The following SLC2A9 variants were observed in gnomAD, a reference collection of about 807,000 sequenced individuals.
SLC2A9 encodes solute carrier family 2, facilitated glucose transporter member 9.
SLC2A9 carries 39 observed loss-of-function variants against 50.6 expected under a neutral mutation model. That is an observed-to-expected ratio of 0.77 (90% CI 0.60 to 1.01). The LOEUF (loss-of-function observed/expected upper bound fraction) is 1.01. Ranked by LOEUF, SLC2A9 falls within the 50% of genes least tolerant of loss-of-function variation. The pLI is 0.00. For missense variants in SLC2A9, 686 were observed against 677.6 expected, an observed-to-expected ratio of 1.01 and a Z score of -0.14; for synonymous variants, 324 against 276.9, an observed-to-expected ratio of 1.17 and a Z score of -1.69.
downstream of SLC2A9, among the ~76,000 whole-genome samples, chr4:9,824,456 T>A (rs562777787): frequency 1.8e-4 from 27 of 152,324 alleles, no homozygotes; most frequent in African/African-American, 6.5e-4. Context: ...TGCCTGACAG[T>A]CATAGTGTTC....
chr4:9,848,410 T>G (rs1040899392), intron 10 of SLC2A9, among the ~76,000 whole-genome samples: 3 of 151,324 alleles, frequency 2.0e-5, no homozygotes, highest in Non-Finnish European at 4.4e-5. Flanking sequence ...GCATGAGACA[T>G]GAGCATGTAT....
At chr4:9,789,734 T>C (rs1719666813) in intron 3 of SLC2A9, among the ~76,000 whole-genome samples, 1 of 152,244 alleles carries the variant, frequency 6.6e-6, no homozygotes, top group Admixed American at 6.5e-5. Context: ...GCTTTGACAC[T>C]GTTAATGAAG....
chr4:9,868,264 G>C (rs1353532153), intron 10 of SLC2A9, among the ~76,000 whole-genome samples: 2 of 152,222 alleles, frequency 1.3e-5, no homozygotes, highest in East Asian at 1.9e-4. Context: ...AGGGGCTCAG[G>C]AGTGTTCTGA....
intron 10 of SLC2A9, among the ~76,000 whole-genome samples, chr4:9,854,397 G>C (rs1730425637): frequency 6.6e-6 from 1 of 152,114 alleles, no homozygotes; most frequent in South Asian, 2.1e-4. Context: ...AACCTCCCAA[G>C]ATTGAACAAG....
chr4:9,831,371 C>T (rs757501034), intron 11 of SLC2A9, among the ~76,000 whole-genome samples: 2 of 152,092 alleles, frequency 1.3e-5, no homozygotes, highest in East Asian at 1.9e-4. Flanking sequence ...GGAGACCATG[C>T]GAGGACACAG....
intron 1 of SLC2A9, among the ~76,000 whole-genome samples, chr4:9,773,997 T>C (rs916864410): frequency 2.7e-5 from 4 of 150,700 alleles, no homozygotes; most frequent in African/African-American, 9.8e-5. Flanking sequence ...TCAGTCTTTT[T>C]TTTTTTTTTT....
chr4:10,038,998 G>A (rs551154930), intron 1 of SLC2A9, among the ~76,000 whole-genome samples: 7 of 152,228 alleles, frequency 4.6e-5, no homozygotes, highest in South Asian at 2.1e-4. Context: ...AGAAGCAGCC[G>A]TAGACAATGG....
intron 10 of SLC2A9, among the ~76,000 whole-genome samples, chr4:9,842,158 A>G (rs1315647380): frequency 6.6e-6 from 1 of 151,468 alleles, no homozygotes. Flanking sequence ...TTTCCTGCTC[A>G]TTTTCTTAGG....
At chr4:10,016,170 T>A (rs1400630897) in intron 2 of SLC2A9, among the ~76,000 whole-genome samples, 1 of 152,154 alleles carries the variant, frequency 6.6e-6, no homozygotes, top group African/African-American at 2.4e-5. Context: ...GCCACAGAGG[T>A]AGAGCTCCGA....
chr4:9,916,755 G>A (rs1234437399), intron 7 of SLC2A9, among the ~76,000 whole-genome samples: 4 of 152,154 alleles, frequency 2.6e-5, no homozygotes, highest in African/African-American at 9.7e-5. Flanking sequence ...CCATGACCCT[G>A]GGCATTCTGG....
downstream of SLC2A9, among the ~76,000 whole-genome samples, chr4:9,825,477 A>G (rs1724986000): frequency 6.6e-6 from 1 of 152,104 alleles, no homozygotes. Flanking sequence ...CATGAGGTAC[A>G]TGTGCTGACA....
chr4:10,023,822 G>A (rs1578384941), upstream of SLC2A9, among the ~76,000 whole-genome samples: 1 of 152,194 alleles, frequency 6.6e-6, no homozygotes, highest in East Asian at 1.9e-4. Flanking sequence ...AAGTTCAGGG[G>A]GAGCATGGAG....
downstream of SLC2A9, among the ~76,000 whole-genome samples, chr4:9,775,314 C>T (rs189585860): frequency 4.6e-5 from 7 of 152,246 alleles, no homozygotes; most frequent in South Asian, 2.1e-4. Flanking sequence ...GTGGCAGCTG[C>T]GAGCCTCCTC....
intron 1 of SLC2A9, among the ~76,000 whole-genome samples, chr4:9,774,783 C>A (rs933680732): frequency 2.0e-5 from 3 of 151,602 alleles, no homozygotes; most frequent in Non-Finnish European, 4.4e-5. Flanking sequence ...CTTTTTCCTT[C>A]TTTTTCTCTA....
chr4:9,983,757 C>T (rs1472229000), intron 4 of SLC2A9, among the ~76,000 whole-genome samples: 4 of 152,204 alleles, frequency 2.6e-5, no homozygotes, highest in African/African-American at 7.2e-5. Context: ...GACAGGGTTT[C>T]GCTCTGTAGC....
chr4:9,834,883 G>A lies in SLC2A9; in HGVS notation c.1417C>T (p.Gln473Ter). 1.9e-6 allele frequency: 3 copies of A among 1,614,166 alleles called. No homozygotes were observed. Among genetic ancestry groups the A allele is most frequent in the Non-Finnish European group, 2.5e-6 (3 of 1,180,034 alleles). ...AAAAGACTCCTTGTCAGTCATACCT[G>A]AATGAATGGGAAGAGGAGCCCAACA... ...FAVGLLFPFI[Q>*]KSLDTYCFLV... The change falls in exon 11 of 12, where the codon CAG becomes TAG. Residue 473 changes from glutamine (Q) to a stop codon, truncating the protein, a stop_gained and splice_region_variant. Coordinates refer to ENST00000264784, the MANE Select transcript of SLC2A9 (RefSeq NM_020041.3). LOFTEE classifies it low-confidence loss of function (END_TRUNC).
chr4:9,797,357 G>GA (rs1437002335), downstream of SLC2A9, among the ~76,000 whole-genome samples: 1 of 152,198 alleles, frequency 6.6e-6, no homozygotes, highest in African/African-American at 2.4e-5. Flanking sequence ...AAATGGCTAA[G>GA]CCTAGAACCA....
chr4:9,845,772 C>T (rs1728893876), intron 10 of SLC2A9, among the ~76,000 whole-genome samples: 1 of 152,152 alleles, frequency 6.6e-6, no homozygotes, highest in Non-Finnish European at 1.5e-5. Flanking sequence ...CCTATAAACC[C>T]CCTTAGAAAT....
intron 7 of SLC2A9, among the ~76,000 whole-genome samples, chr4:9,914,746 C>G (rs1742540640): frequency 6.6e-6 from 1 of 152,038 alleles, no homozygotes; most frequent in Non-Finnish European, 1.5e-5. Flanking sequence ...CCACCCCGGC[C>G]TTGCTTTATA....
Sources: gnomAD v4.1 joint callset for allele counts (sites outside exome capture counted in the v4.1 genomes callset) on GRCh38, gnomAD v4.1.1 for gene constraint, MANE v1.5 for transcripts, NCBI Gene and HGNC (gene_info 2026-07-23, HGNC 2026-07-21) for gene names.